NAV3: variants seen among roughly 807,000 people sequenced by gnomAD.
NAV3 encodes the protein pore membrane and/or filament interacting like protein 1.
In NAV3, 87 loss-of-function variants were observed where a neutral mutation model predicts 244.7. That is an observed-to-expected ratio of 0.36 (90% CI 0.30 to 0.42). The LOEUF is 0.42. Among genes scored for constraint, NAV3 ranks in the 20% least tolerant of loss-of-function variants. The pLI is 1.00. For missense variants in NAV3, 2,663 were observed against 2,893.3 expected (o/e 0.92, Z 1.83); for synonymous variants, 1,126 against 1,042.2 (o/e 1.08, Z -1.55).
At chr12:77,580,418 G>A (rs1869309372) in intron 2 of NAV3, among the ~76,000 whole-genome samples, 1 of 152,140 alleles carries the variant, frequency 6.6e-6, no homozygotes, top group South Asian at 2.1e-4. Context: ...TCCCTGGAGA[G>A]AGTCAGAGGG....
At chr12:78,172,378 T>G (rs549292761) in intron 24 of NAV3, among the ~76,000 whole-genome samples, 1 of 151,750 alleles carries the variant, frequency 6.6e-6, no homozygotes, top group East Asian at 1.9e-4. Flanking sequence ...TATGCTTGTA[T>G]AGCAATACAA....
intron 1 of NAV3, among the ~76,000 whole-genome samples, chr12:77,849,478 G>A (rs868789746): frequency 3.4e-4 from 51 of 152,126 alleles, no homozygotes; most frequent in Middle Eastern, 6.8e-3. Context: ...CACCACACAT[G>A]GAAAATTCCA....
rs940697817 is a variant in NAV3, at chr12:77,742,221, T to G, written c.72+169955T>G. 2.0e-5 allele frequency among the ~76,000 whole-genome samples: 3 copies of G among 152,214 alleles called. No homozygotes were observed. In the East Asian group the frequency reaches 5.8e-4, roughly 29 times the overall value. Reference sequence around the variant, plus strand: ...CTTTGGGAGAGTTTTTCAAGTTTGATGTATATGTTAGGGTTTTATCCACAG... The same window carrying G: ...CTTTGGGAGAGTTTTTCAAGTTTGAGGTATATGTTAGGGTTTTATCCACAG... On this transcript the variant is annotated intron_variant, in intron 2 of 8. Coordinates refer to the NAV3 transcript ENST00000550042.
chr12:78,087,269 T>C (rs1953686524), intron 12 of NAV3, among the ~76,000 whole-genome samples: 1 of 152,062 alleles, frequency 6.6e-6, no homozygotes, highest in Admixed American at 6.6e-5. Flanking sequence ...AGAACTGATT[T>C]TGTAACAGAC....
intron 2 of NAV3, among the ~76,000 whole-genome samples, chr12:77,682,063 A>G (rs1350512935): frequency 3.9e-5 from 6 of 152,076 alleles, no homozygotes; most frequent in African/African-American, 9.7e-5. Context: ...CACCATGATG[A>G]TAGATCCCTT....
At chr12:77,930,422 T>C (rs1375292210) in intron 1 of NAV3, among the ~76,000 whole-genome samples, 1 of 145,396 alleles carries the variant, frequency 6.9e-6, no homozygotes, top group African/African-American at 2.6e-5. Context: ...TTATGTTGAC[T>C]TTATGGCTAC....
upstream of NAV3, among the ~76,000 whole-genome samples, chr12:77,827,236 CAAAAAAA>C (rs10615824): frequency 1.6e-4 from 11 of 68,546 alleles, no homozygotes; most frequent in African/African-American, 5.1e-4. Flanking sequence ...ACTCTGTCTC[CAAAAAAA>C]AAAAAAAAAA....
At chr12:78,096,111 C>T (rs1191159659) in intron 12 of NAV3, among the ~76,000 whole-genome samples, 2 of 152,146 alleles carry the variant, frequency 1.3e-5, no homozygotes, top group Admixed American at 1.3e-4. Flanking sequence ...GTATTAGATT[C>T]ACTATTTGGC....
intron 8 of NAV3, chr12:78,010,755 A>G (rs1438087301): frequency 6.6e-6 from 1 of 151,850 alleles, no homozygotes; most frequent in Non-Finnish European, 1.5e-5. Context: ...ACAGATACAT[A>G]TATATATGAT....
At chr12:78,096,669 A>G (rs886204513) in intron 12 of NAV3, among the ~76,000 whole-genome samples, 1 of 152,184 alleles carries the variant, frequency 6.6e-6, no homozygotes, top group African/African-American at 2.4e-5. Context: ...CAAGAACAAC[A>G]GACAGGAAAA....
At chr12:77,942,035 T>G (rs966810215) in intron 3 of NAV3, among the ~76,000 whole-genome samples, 18 of 152,222 alleles carry the variant, frequency 1.2e-4, no homozygotes, top group African/African-American at 4.3e-4. Context: ...TCCAAAATAA[T>G]AAACATAATT....
intron 5 of NAV3, 70 bp downstream of exon 5, chr12:77,968,772 T>C (rs983314431): frequency 6.8e-7 from 1 of 1,468,116 alleles, no homozygotes; most frequent in African/African-American, 1.4e-5. Context: ...TAACAAATTA[T>C]TGTCCATGAG....
rs562246540 is a variant in NAV3, at chr12:77,582,306, G to A, written c.72+10040G>A. On this transcript the variant is annotated intron_variant, in intron 2 of 8. Transcript: ENST00000550042. ...TCTATTAAATTTGTATGCCACATGCGTTGGCATATAGTATACTTTCTTTGT... is the reference window on the plus strand; with the variant it reads ...TCTATTAAATTTGTATGCCACATGCATTGGCATATAGTATACTTTCTTTGT... 3.9e-5 allele frequency among the ~76,000 whole-genome samples: 6 copies of A among 152,196 alleles called. No homozygotes were observed. In the South Asian group the frequency reaches 6.2e-4, roughly 16 times the overall value.
chr12:78,170,409 C>T (rs1389693893), intron 24 of NAV3, among the ~76,000 whole-genome samples: 2 of 151,578 alleles, frequency 1.3e-5, no homozygotes, highest in African/African-American at 4.8e-5. Context: ...TCTTGCCATC[C>T]ATCACCTCTC....
intron 2 of NAV3, among the ~76,000 whole-genome samples, chr12:77,683,452 T>C (rs183129749): frequency 1.3e-5 from 2 of 152,228 alleles, no homozygotes; most frequent in Admixed American, 6.5e-5. Flanking sequence ...AGTCAGGTAA[T>C]ATGATGGCTC....
chr12:77,787,655 A>T (rs1870968291), intron 2 of NAV3, among the ~76,000 whole-genome samples: 1 of 152,202 alleles, frequency 6.6e-6, no homozygotes, highest in South Asian at 2.1e-4. Flanking sequence ...CCCGTGATTC[A>T]GTTATCTCCA....
intron 38 of NAV3, among the ~76,000 whole-genome samples, chr12:78,201,442 A>G (rs1234064683): frequency 1.3e-5 from 2 of 151,872 alleles, no homozygotes; most frequent in African/African-American, 2.4e-5. Context: ...TAAGAGAGTC[A>G]GTTGGTCTTT....
intron 9 of NAV3, among the ~76,000 whole-genome samples, chr12:78,044,348 T>C (rs1378918091): frequency 1.3e-5 from 2 of 152,216 alleles, no homozygotes; most frequent in Non-Finnish European, 2.9e-5. Flanking sequence ...GGAGTATACT[T>C]TGAAGTCAGG....
intron 16 of NAV3, among the ~76,000 whole-genome samples, chr12:78,123,587 CT>C (rs1482336334): frequency 6.6e-6 from 1 of 152,144 alleles, no homozygotes; most frequent in East Asian, 1.9e-4. Flanking sequence ...TTACTTCCTA[CT>C]TGCCTAACAA....
Sources: allele counts gnomAD v4.1 joint callset (sites outside exome capture counted in the v4.1 genomes callset), GRCh38; gene constraint gnomAD v4.1.1; transcripts MANE v1.5; gene names NCBI Gene and HGNC (gene_info 2026-07-23, HGNC 2026-07-21).